ARMH3: variants seen among roughly 807,000 people sequenced by gnomAD.
ARMH3 encodes the protein armadillo like helical domain containing 3.
Under a neutral mutation model 99.1 loss-of-function variants are expected in ARMH3, and 60 were observed. That is an observed-to-expected ratio of 0.61 (90% CI 0.49 to 0.75). The LOEUF (loss-of-function observed/expected upper bound fraction) is 0.75, where lower values mean the gene tolerates loss of function less well. Ranked by LOEUF, ARMH3 falls within the 30% of genes least tolerant of loss-of-function variation. ARMH3 has a pLI of 0.00. For synonymous variants in ARMH3, 285 were observed against 292.8 expected (o/e 0.97, Z 0.27); for missense variants, 679 against 843.1 (o/e 0.81, Z 2.41).
chr10:101,893,906 T>C (rs1265701051), intron 23 of ARMH3, among the ~76,000 whole-genome samples: 1 of 152,214 alleles, frequency 6.6e-6, no homozygotes, highest in Non-Finnish European at 1.5e-5. Flanking sequence ...TGATATTGTT[T>C]GGGCAAACTT....
At chr10:102,026,940 C>A (rs771115104) in intron 5 of ARMH3, among the ~76,000 whole-genome samples, 47 of 152,266 alleles carry the variant, frequency 3.1e-4, no homozygotes, top group Middle Eastern at 3.4e-3. Context: ...ATCCTCAGTG[C>A]CTACCACAGT....
At chr10:101,990,749 CTTATT>C (rs1422105051) in intron 18 of ARMH3, 138 bp from the exon 19 acceptor site, 6 of 668,908 alleles carry the variant, frequency 9.0e-6, no homozygotes, top group South Asian at 5.4e-5. Flanking sequence ...TTCATATACA[CTTATT>C]TTATATAACG....
chr10:101,896,408 G>A (rs902825100), intron 23 of ARMH3, among the ~76,000 whole-genome samples: 10 of 152,170 alleles, frequency 6.6e-5, no homozygotes, highest in African/African-American at 1.9e-4. Flanking sequence ...TGGTTGCTTA[G>A]GGCTACAAGG....
intron 23 of ARMH3, among the ~76,000 whole-genome samples, chr10:101,915,599 G>T (rs921120201): frequency 6.6e-6 from 1 of 152,142 alleles, no homozygotes; most frequent in African/African-American, 2.4e-5. Flanking sequence ...GGCAGAAAGG[G>T]AGGAAGGAGG....
chr10:102,027,986 T>C (rs1032207425), intron 5 of ARMH3, among the ~76,000 whole-genome samples: 3 of 151,422 alleles, frequency 2.0e-5, no homozygotes, highest in Admixed American at 6.6e-5. Context: ...AAAAGAACTC[T>C]TATAACTCAA....
chr10:101,912,141 T>C (rs1452820779), intron 23 of ARMH3, among the ~76,000 whole-genome samples: 2 of 152,066 alleles, frequency 1.3e-5, no homozygotes, highest in Non-Finnish European at 2.9e-5. Context: ...ACGCCTATAA[T>C]CCCAGCACTT....
intron 23 of ARMH3, among the ~76,000 whole-genome samples, chr10:101,896,403 G>T (rs546927437): frequency 6.6e-6 from 1 of 152,326 alleles, no homozygotes; most frequent in Non-Finnish European, 1.5e-5. Flanking sequence ...ATTCATGGTT[G>T]CTTAGGGCTA....
chr10:102,045,934 A>C (rs1323448879), intron 1 of ARMH3, among the ~76,000 whole-genome samples: 1 of 152,062 alleles, frequency 6.6e-6, no homozygotes, highest in Non-Finnish European at 1.5e-5. Context: ...ATCTCTACTA[A>C]AAATACAAAA....
At chr10:101,944,269 TATATAGAGAGAGAGAGAGAGAGAGAGAG>T (rs1318344405) in intron 22 of ARMH3, among the ~76,000 whole-genome samples, 124 of 44,910 alleles carry the variant, frequency 2.8e-3, no homozygotes, top group East Asian at 8.4e-3. Context: ...TATATATATA[TATATAGAGAGAGAGAGAGAGAGAGAGAG>T]AGAGAGAGAG....
chr10:101,919,584 T>C (rs1471047197), intron 23 of ARMH3, among the ~76,000 whole-genome samples: 2 of 152,180 alleles, frequency 1.3e-5, no homozygotes, highest in African/African-American at 2.4e-5. Context: ...CATGGCAAAG[T>C]TCCAGGCTTC....
intron 8 of ARMH3, among the ~76,000 whole-genome samples, chr10:102,019,949 T>C (rs1218270047): frequency 6.7e-6 from 1 of 149,712 alleles, no homozygotes; most frequent in Admixed American, 6.7e-5. Context: ...AAAAAGCTTA[T>C]AGAATAAAGA....
intron 15 of ARMH3, among the ~76,000 whole-genome samples, chr10:102,001,414 A>G (rs2066358637): frequency 6.6e-6 from 1 of 152,196 alleles, no homozygotes; most frequent in Non-Finnish European, 1.5e-5. Context: ...AATCACAAAC[A>G]GAGGAAAAAC....
intron 24 of ARMH3, among the ~76,000 whole-genome samples, chr10:101,859,372 G>A (rs2066810142): frequency 6.6e-6 from 1 of 152,226 alleles, no homozygotes; most frequent in East Asian, 1.9e-4. Context: ...CCAACCATTA[G>A]CTTGGACATA....
chr10:102,053,903 C>T (rs192801929), intron 1 of ARMH3, among the ~76,000 whole-genome samples: 2 of 152,208 alleles, frequency 1.3e-5, no homozygotes, highest in East Asian at 3.9e-4. Context: ...TGTGATCCGC[C>T]GGCCTCCGCC....
intron 10 of ARMH3, 121 bp downstream of exon 10, chr10:102,012,712 G>T: frequency 1.2e-6 from 1 of 869,384 alleles, no homozygotes; most frequent in Non-Finnish European, 1.7e-6. Context: ...TCTGCCAGGG[G>T]CTGTACATCT....
chr10:101,905,027 A>G (rs903214500), intron 23 of ARMH3, among the ~76,000 whole-genome samples: 1 of 152,086 alleles, frequency 6.6e-6, no homozygotes, highest in African/African-American at 2.4e-5. Context: ...ATTTCAAAGC[A>G]TACTTCCTGG....
At chr10:101,984,081 T>C (rs1476586919) in intron 19 of ARMH3, among the ~76,000 whole-genome samples, 1 of 152,148 alleles carries the variant, frequency 6.6e-6, no homozygotes, top group African/African-American at 2.4e-5. Context: ...GATTGCTTGC[T>C]TGGTGTGTAG....
intron 8 of ARMH3, among the ~76,000 whole-genome samples, chr10:102,018,596 C>T (rs956461257): frequency 6.6e-6 from 1 of 152,148 alleles, no homozygotes; most frequent in African/African-American, 2.4e-5. Context: ...ATTCATTACT[C>T]ACATATTTCT....
intron 23 of ARMH3, among the ~76,000 whole-genome samples, chr10:101,934,903 C>T (rs1390268728): frequency 6.6e-6 from 1 of 151,986 alleles, no homozygotes; most frequent in Non-Finnish European, 1.5e-5. Flanking sequence ...GCATATAAGT[C>T]TTCAGACAAA....
Sources: allele counts gnomAD v4.1 joint callset (sites outside exome capture counted in the v4.1 genomes callset), GRCh38; gene constraint gnomAD v4.1.1; transcripts MANE v1.5; gene names NCBI Gene and HGNC (gene_info 2026-07-23, HGNC 2026-07-21).